The following SCN8A variants were observed in gnomAD, a reference collection of about 807,000 sequenced individuals.
The protein encoded by SCN8A is sodium channel protein type 8 subunit alpha.
In SCN8A, 30 loss-of-function variants were observed where a neutral mutation model predicts 184.1. The ratio of observed to expected loss-of-function variants is 0.16; its 90% CI spans 0.12 to 0.22. SCN8A has a LOEUF of 0.22. Among genes scored for constraint, SCN8A ranks in the 10% least tolerant of loss-of-function variants. The pLI, the probability that SCN8A is intolerant of heterozygous loss-of-function variation, is 1.00. For missense variants in SCN8A, 1,057 were observed against 2,498.9 expected (o/e 0.42, Z 12.30); for synonymous variants, 852 against 907.0 (o/e 0.94, Z 1.09).
chr12:51,714,652 G>A (rs1314448060), intron 11 of SCN8A, among the ~76,000 whole-genome samples: 4 of 152,072 alleles, frequency 2.6e-5, no homozygotes, highest in African/African-American at 9.7e-5. Flanking sequence ...AGTGAAATAT[G>A]GCATGGAAAT....
intron 6 of SCN8A, among the ~76,000 whole-genome samples, chr12:51,690,821 G>A (rs894056512): frequency 1.3e-5 from 2 of 152,202 alleles, no homozygotes; most frequent in African/African-American, 2.4e-5. Context: ...GGGCCATGGA[G>A]TTGGCCAGTA....
intron 8 of SCN8A, among the ~76,000 whole-genome samples, chr12:51,701,414 A>G (rs1941685407): frequency 6.6e-6 from 1 of 152,210 alleles, no homozygotes; most frequent in Non-Finnish European, 1.5e-5. Flanking sequence ...CTGTGCTTGT[A>G]GTCTCAAGCC....
chr12:51,678,453 G>A (rs1239827629), intron 2 of SCN8A, among the ~76,000 whole-genome samples: 1 of 152,180 alleles, frequency 6.6e-6, no homozygotes, highest in African/African-American at 2.4e-5. Flanking sequence ...ATGGTTTGCT[G>A]CTTTGTTGCA....
At chr12:51,610,027 G>A (rs577188319) in intron 1 of SCN8A, among the ~76,000 whole-genome samples, 67 of 151,494 alleles carry the variant, frequency 4.4e-4, no homozygotes, top group African/African-American at 1.5e-3. Context: ...AAAATAAGCC[G>A]GGCATGGTGG....
intron 1 of SCN8A, among the ~76,000 whole-genome samples, chr12:51,627,972 T>C (rs1250384798): frequency 6.6e-6 from 1 of 152,156 alleles, no homozygotes; most frequent in Non-Finnish European, 1.5e-5. Context: ...AAATAAAACC[T>C]TTGGAGACTA....
chr12:51,784,592 T>C (rs971769561), intron 21 of SCN8A, among the ~76,000 whole-genome samples: 1 of 152,180 alleles, frequency 6.6e-6, no homozygotes, highest in South Asian at 2.1e-4. Context: ...CCTCTGGTTA[T>C]GATTAAAGTA....
At chr12:51,611,426 T>G (rs1179801766) in intron 1 of SCN8A, among the ~76,000 whole-genome samples, 1 of 152,154 alleles carries the variant, frequency 6.6e-6, no homozygotes, top group Non-Finnish European at 1.5e-5. Context: ...CCTCCCAAAG[T>G]GCTGGGATTA....
intron 1 of SCN8A, among the ~76,000 whole-genome samples, chr12:51,595,164 G>A (rs1230121545): frequency 2.0e-5 from 3 of 152,104 alleles, no homozygotes; most frequent in Non-Finnish European, 2.9e-5. Context: ...CTAAGCTGGC[G>A]AGCACCCGCT....
intron 2 of SCN8A, among the ~76,000 whole-genome samples, chr12:51,676,167 C>T (rs1941219625): frequency 6.6e-6 from 1 of 152,120 alleles, no homozygotes; most frequent in African/African-American, 2.4e-5. Context: ...TTATGTCCTG[C>T]TTTGGTTTAG....
At chr12:51,599,287 A>G (rs150686510) in intron 1 of SCN8A, among the ~76,000 whole-genome samples, 1 of 152,330 alleles carries the variant, frequency 6.6e-6, no homozygotes, top group African/African-American at 2.4e-5. Context: ...ATGGTTGATG[A>G]TTAAAAAGTT....
At chr12:51,741,092 C>T (rs1276028205) in intron 12 of SCN8A, among the ~76,000 whole-genome samples, 3 of 152,168 alleles carry the variant, frequency 2.0e-5, no homozygotes, top group African/African-American at 7.2e-5. Context: ...AGCCTGAGGT[C>T]TATCTCTTTA....
chr12:51,679,379 A>G (rs1324178317), intron 2 of SCN8A, among the ~76,000 whole-genome samples: 1 of 152,206 alleles, frequency 6.6e-6, no homozygotes, highest in Non-Finnish European at 1.5e-5. Context: ...TGTATGGCCC[A>G]CAAGCTAAGA....
At chr12:51,653,122 C>A (rs1940752420) in intron 1 of SCN8A, among the ~76,000 whole-genome samples, 2 of 152,114 alleles carry the variant, frequency 1.3e-5, no homozygotes, top group African/African-American at 4.8e-5. Flanking sequence ...GAGTTTGAGA[C>A]CAGCCTGACC....
At position 51,806,688 on chromosome 12, in the gene SCN8A, A is replaced by C; in HGVS notation, c.5202A>C (p.Gly1734=). 6.2e-7 allele frequency: 1 copy of C among 1,613,940 alleles called. No homozygotes were observed. The highest frequency in any genetic ancestry group is 8.5e-7 in the Non-Finnish European group (1 of 1,179,978). ...DKEHPGSGFK[G]DCGNPSVGIF... ...AACACCCAGGGAGTGGCTTTAAGGG[A>C]GATTGTGGGAACCCCTCAGTGGGCA... Residue 1734 remains glycine (G), a synonymous_variant, in exon 27 of 27, where the codon GGA becomes GGC. Transcript: ENST00000627620. The surrounding 1 kb of genome is among the most constrained non-coding windows in gnomAD (Gnocchi z 8.7).
At chr12:51,746,789 A>G (rs1266550870) in intron 13 of SCN8A, among the ~76,000 whole-genome samples, 1 of 152,140 alleles carries the variant, frequency 6.6e-6, no homozygotes, top group African/African-American at 2.4e-5. Flanking sequence ...CTCTCCAGTT[A>G]TGGTCTGTAG....
At chr12:51,729,680 A>G (rs1351883961) in intron 12 of SCN8A, among the ~76,000 whole-genome samples, 11 of 152,302 alleles carry the variant, frequency 7.2e-5, no homozygotes, top group African/African-American at 2.6e-4. Flanking sequence ...TTGGGTAGAT[A>G]CATCAAAGTG....
rs1555214267 is a variant in SCN8A, at chr12:51,662,893, G to A, written c.76G>A (p.Glu26Lys). The change falls in exon 2 of 27, where the codon GAG becomes AAG. Residue 26 changes from glutamate (E) to lysine (K), a missense_variant. By Grantham distance (56) the Glu-to-Lys change is moderately conservative. Around this residue, in one of 19 missense-constraint regions of SCN8A, gnomAD observed 45 missense variants for 71.3 expected, o/e 0.63. Transcript: ENST00000627620. ...CACCCCTGAGTCACTGGCAAACATTGAGAGGCGCATTGCTGAGAGCAAGCT... is the reference window on the plus strand; with the variant it reads ...CACCCCTGAGTCACTGGCAAACATTAAGAGGCGCATTGCTGAGAGCAAGCT... ...PFTPESLANIERRIAESKLKK... is the reference protein window; with the variant it reads ...PFTPESLANIKRRIAESKLKK... 6.2e-7 allele frequency: 1 copy of A among 1,614,030 alleles called. No homozygotes were observed. Among genetic ancestry groups the A allele is most frequent in the Non-Finnish European group, 8.5e-7 (1 of 1,179,888 alleles).
At chr12:51,598,698 C>G (rs954374445) in intron 1 of SCN8A, among the ~76,000 whole-genome samples, 4 of 152,112 alleles carry the variant, frequency 2.6e-5, no homozygotes, top group African/African-American at 7.2e-5. Flanking sequence ...TTACTGTCTC[C>G]CAGTCATGCA....
intron 12 of SCN8A, among the ~76,000 whole-genome samples, chr12:51,740,775 G>GTTA (rs1460162926): frequency 1.3e-5 from 2 of 152,106 alleles, no homozygotes; most frequent in Admixed American, 1.3e-4. Flanking sequence ...GTCTCTAACT[G>GTTA]TTATTGTATT....
Sources: allele counts gnomAD v4.1 joint callset (sites outside exome capture counted in the v4.1 genomes callset), GRCh38; gene constraint gnomAD v4.1.1; regional missense constraint gnomAD v4.1.1; non-coding constraint Gnocchi (gnomAD v3.1); transcripts MANE v1.5; gene names NCBI Gene and HGNC (gene_info 2026-07-23, HGNC 2026-07-21).